The following CTNNA3 variants were observed in gnomAD, a reference collection of about 807,000 sequenced individuals.
The protein encoded by CTNNA3 is catenin alpha-3.
Under a neutral mutation model 95.7 loss-of-function variants are expected in CTNNA3, and 76 were observed. The ratio of observed to expected loss-of-function variants is 0.79; its 90% CI spans 0.66 to 0.96. CTNNA3 has a LOEUF of 0.96. CTNNA3 is among the 40% of genes least tolerant of loss of function. CTNNA3 has a pLI of 0.00. For missense variants in CTNNA3, 1,191 were observed against 1,089.8 expected (o/e 1.09, Z -1.31); for synonymous variants, 431 against 374.4 (o/e 1.15, Z -1.74).
intron 17 of CTNNA3, among the ~76,000 whole-genome samples, chr10:65,951,453 G>T (rs2077610774): frequency 6.6e-6 from 1 of 152,154 alleles, no homozygotes; most frequent in African/African-American, 2.4e-5. Context: ...TTTTGAGGCT[G>T]AAGTGTCTGT....
chr10:67,217,899 G>A (rs142239699), intron 6 of CTNNA3, among the ~76,000 whole-genome samples: 20 of 152,160 alleles, frequency 1.3e-4, no homozygotes, highest in African/African-American at 4.8e-4. Flanking sequence ...TGGCACTAGG[G>A]AAAAATTCAG....
intron 7 of CTNNA3, among the ~76,000 whole-genome samples, chr10:66,962,144 T>G (rs1302813042): frequency 6.6e-6 from 1 of 152,130 alleles, no homozygotes; most frequent in East Asian, 1.9e-4. Flanking sequence ...TAGCAGTCAC[T>G]TTCCTGTTCA....
At chr10:67,527,898 C>A (rs562695526) in intron 4 of CTNNA3, among the ~76,000 whole-genome samples, 1 of 152,286 alleles carries the variant, frequency 6.6e-6, no homozygotes, top group African/African-American at 2.4e-5. Flanking sequence ...AGAAAGCTAG[C>A]CAAAGCTTTA....
In CTNNA3 at chr10:66,101,258, G is replaced by T. The variant is rs547086383; in HGVS notation, c.1977+1899C>A. On this transcript the variant is annotated intron_variant, in intron 14 of 17. Coordinates refer to ENST00000433211, the MANE Select transcript of CTNNA3 (RefSeq NM_013266.4). ...CCTAGACAGTTTTCAACACAAATTG[G>T]CTAGTAGAGGGCTGACAAATAACCC... is the stretch of plus-strand genomic sequence containing the variant. Among the ~76,000 whole-genome samples the T allele has an allele frequency of 5.6e-4, 85 of 152,222 alleles. 1 individual carries two copies. Among genetic ancestry groups the T allele is most frequent in the African/African-American group, 1.8e-3 (73 of 41,538 alleles).
At chr10:67,438,250 G>C (rs1276923747) in intron 5 of CTNNA3, among the ~76,000 whole-genome samples, 1 of 152,046 alleles carries the variant, frequency 6.6e-6, no homozygotes, top group African/African-American at 2.4e-5. Flanking sequence ...CATACAAGAG[G>C]CAAGGCTGCC....
intron 3 of CTNNA3, among the ~76,000 whole-genome samples, chr10:67,548,942 G>T (rs374526734): frequency 4.6e-5 from 7 of 151,752 alleles, no homozygotes; most frequent in African/African-American, 1.7e-4. Flanking sequence ...TAAAATAGGC[G>T]AAGAGTCTAA....
intron 11 of CTNNA3, among the ~76,000 whole-genome samples, chr10:66,395,898 G>C (rs1319174434): frequency 2.6e-5 from 4 of 151,930 alleles, no homozygotes; most frequent in African/African-American, 9.7e-5. Context: ...AGCAAAAATG[G>C]TACCCAATAG....
chr10:66,138,051 A>T (rs2083442059), intron 13 of CTNNA3, among the ~76,000 whole-genome samples: 1 of 152,268 alleles, frequency 6.6e-6, no homozygotes. Flanking sequence ...AAAACTTATT[A>T]AATCTAAGTA....
chr10:67,435,888 A>T (rs1454893849), intron 5 of CTNNA3, among the ~76,000 whole-genome samples: 1 of 152,058 alleles, frequency 6.6e-6, no homozygotes, highest in Non-Finnish European at 1.5e-5. Context: ...TGTGAAAATG[A>T]CCATACTGCC....
intron 13 of CTNNA3, among the ~76,000 whole-genome samples, chr10:66,103,918 C>CA (rs772095681): frequency 1.3e-5 from 2 of 151,688 alleles, no homozygotes; most frequent in Non-Finnish European, 2.9e-5. Context: ...AAAAAGAAAG[C>CA]AAAAAAATGA....
intron 7 of CTNNA3, among the ~76,000 whole-genome samples, chr10:66,828,129 T>C (rs1394204900): frequency 1.3e-5 from 2 of 152,226 alleles, no homozygotes; most frequent in Non-Finnish European, 2.9e-5. Flanking sequence ...TTGTGAGGGG[T>C]ATAATTCAAA....
At chr10:67,301,872 G>T (rs1564547843) in intron 5 of CTNNA3, among the ~76,000 whole-genome samples, 2 of 152,010 alleles carry the variant, frequency 1.3e-5, no homozygotes, top group Non-Finnish European at 2.9e-5. Flanking sequence ...GGGAGGCTGA[G>T]GCAGGAGAAT....
chr10:66,301,795 CT>C (rs984073902), intron 12 of CTNNA3, among the ~76,000 whole-genome samples: 2 of 151,864 alleles, frequency 1.3e-5, no homozygotes, highest in Non-Finnish European at 2.9e-5. Context: ...TCTCTTCCCA[CT>C]AAGATCAGGA....
At chr10:66,330,165 C>T (rs1490146695) in intron 12 of CTNNA3, among the ~76,000 whole-genome samples, 2 of 151,808 alleles carry the variant, frequency 1.3e-5, no homozygotes, top group Admixed American at 1.3e-4. Context: ...TGTGCTGCAT[C>T]CATTAACTCG....
At chr10:66,487,213 TTTTTTTG>T (rs2131922045) in intron 11 of CTNNA3, among the ~76,000 whole-genome samples, 2 of 125,112 alleles carry the variant, frequency 1.6e-5, no homozygotes, top group Admixed American at 8.4e-5. Context: ...TTTTTTTTTT[TTTTTTTG>T]AGACGGAATC....
chr10:66,285,617 G>A (rs1015490358), intron 12 of CTNNA3, among the ~76,000 whole-genome samples: 9 of 151,502 alleles, frequency 5.9e-5, no homozygotes, highest in Non-Finnish European at 1.2e-4. Context: ...ACCAAGTAAT[G>A]TTCTATGATG....
At chr10:67,028,085 G>A (rs947171750) in intron 7 of CTNNA3, among the ~76,000 whole-genome samples, 2 of 152,114 alleles carry the variant, frequency 1.3e-5, no homozygotes, top group East Asian at 1.9e-4. Flanking sequence ...TGCTATATTC[G>A]TTTATTCTTC....
chr10:66,944,813 A>C (rs535417388), intron 7 of CTNNA3, among the ~76,000 whole-genome samples: 18 of 152,170 alleles, frequency 1.2e-4, no homozygotes, highest in Non-Finnish European at 1.9e-4. Context: ...AACAACATTA[A>C]TCTCCATGTA....
chr10:67,137,732 A>T (rs1265161633), intron 7 of CTNNA3, among the ~76,000 whole-genome samples: 1 of 152,088 alleles, frequency 6.6e-6, no homozygotes, highest in Non-Finnish European at 1.5e-5. Flanking sequence ...CCACCTGCAG[A>T]GGAATAAATA....
Sources: gnomAD v4.1 joint callset for allele counts (sites outside exome capture counted in the v4.1 genomes callset) on GRCh38, gnomAD v4.1.1 for gene constraint, MANE v1.5 for transcripts, NCBI Gene and HGNC (gene_info 2026-07-23, HGNC 2026-07-21) for gene names.